Variants in C5 observed in about 807,000 individuals in gnomAD.
C5 encodes the protein C3 and PZP-like alpha-2-macroglobulin domain-containing protein 4.
Under a neutral mutation model 218.8 loss-of-function variants are expected in C5, and 140 were observed. That is an observed-to-expected ratio of 0.64 (90% CI 0.56 to 0.74). The LOEUF (loss-of-function observed/expected upper bound fraction) is 0.74, where lower values mean the gene tolerates loss of function less well. C5 is among the 30% of genes least tolerant of loss of function. C5 has a pLI of 0.00. For synonymous variants in C5, 614 were observed against 682.3 expected (o/e 0.90, Z 1.56); for missense variants, 1,700 against 1,969.6 (o/e 0.86, Z 2.59).
At chr9:121,000,929 G>A (rs960917849) in intron 20 of C5, among the ~76,000 whole-genome samples, 5 of 152,090 alleles carry the variant, frequency 3.3e-5, no homozygotes, top group Admixed American at 6.5e-5. Flanking sequence ...AGAACATGCA[G>A]TATTTTGTAG....
the C5 span, among the ~76,000 whole-genome samples, chr9:121,064,455 C>T: frequency 2.0e-5 from 3 of 152,116 alleles, no homozygotes; most frequent in African/African-American, 7.2e-5. Context: ...TCTTATTAGA[C>T]CCCAAGATTT....
In C5 at chr9:121,044,027, C is replaced by T. The variant is rs75083772; in HGVS notation, c.259-861G>A. On this transcript the variant is annotated intron_variant, in intron 2 of 40. Coordinates refer to ENST00000223642, the MANE Select transcript of C5 (RefSeq NM_001735.3). ...TATGAAAAATTAGGCTTTGGAAACA[C>T]GGGATGAAAGTTAATTACAAAAACC... Among the ~76,000 whole-genome samples the T allele has an allele frequency of 1.2e-4, 19 of 152,176 alleles. 1 individual carries two copies. The South Asian group carries it at 1.9e-3, about 15-fold the overall frequency.
At chr9:121,006,690 A>C (rs2047218188) in intron 19 of C5, among the ~76,000 whole-genome samples, 1 of 152,180 alleles carries the variant, frequency 6.6e-6, no homozygotes, top group South Asian at 2.1e-4. Context: ...TTACAAAAAA[A>C]GGAAAAAGAA....
At chr9:121,036,257 C>G (rs2047523522) in intron 4 of C5, among the ~76,000 whole-genome samples, 1 of 152,114 alleles carries the variant, frequency 6.6e-6, no homozygotes, top group Non-Finnish European at 1.5e-5. Flanking sequence ...CCATTGTGCA[C>G]AATTCTTCTA....
At position 120,953,099 on chromosome 9, in the gene C5, T is replaced by C. The variant is rs889529720; in HGVS notation, c.4902-231A>G. 4.6e-5 allele frequency among the ~76,000 whole-genome samples: 7 copies of C among 152,288 alleles called. No homozygotes were observed. In the South Asian group the frequency reaches 6.2e-4, roughly 14 times the overall value. On this transcript the variant is annotated intron_variant, in intron 40 of 40. Transcript: ENST00000223642. ...CCACCACGCCCGGCTATTTTTTTTG[T>C]ATTTTTAGTAGAGACGGGGTTTCAC...
intron 25 of C5, among the ~76,000 whole-genome samples, chr9:120,988,572 T>C (rs2047051711): frequency 1.3e-5 from 2 of 151,900 alleles, no homozygotes; most frequent in African/African-American, 2.4e-5. Context: ...AAAGAGAGTA[T>C]AGGAGATAAA....
intron 28 of C5, chr9:120,979,796 T>G (rs1450033531): frequency 1.6e-5 from 6 of 381,020 alleles, no homozygotes; most frequent in Non-Finnish European, 3.0e-5. Context: ...GGAAGATCAC[T>G]TGAGCCCAGG....
chr9:120,958,749 T>C (rs1349548500), intron 38 of C5, among the ~76,000 whole-genome samples: 1 of 152,154 alleles, frequency 6.6e-6, no homozygotes. Flanking sequence ...GAGCAAATTA[T>C]TTAATCTCCC....
In C5 at chr9:120,970,189, G is replaced by A. The variant is rs150804933; in HGVS notation, c.4143C>T (p.Ile1381=). The change falls in exon 32 of 41, where the codon ATC becomes ATT. Residue 1381 remains isoleucine (I), a synonymous_variant. Coordinates refer to ENST00000223642, the MANE Select transcript of C5 (RefSeq NM_001735.3). ...TTTTACCTTCAATATCCTGAGTATC[G>A]ATTTTCAAATAAAAGCTGCAAACTT... ...SEEVCSFYLK[I]DTQDIEASHY... is the part of the protein sequence containing the mutation. 3.0e-4 allele frequency: 483 copies of A among 1,612,244 alleles called. No homozygotes were observed. Among genetic ancestry groups the A allele is most frequent in the Admixed American group, 5.3e-4 (32 of 59,988 alleles).
chr9:120,984,714 C>CTTTTTTTTTTTTTTTTTTTT (rs149222003), intron 25 of C5, among the ~76,000 whole-genome samples: 2 of 69,212 alleles, frequency 2.9e-5, no homozygotes, highest in African/African-American at 6.3e-5. Flanking sequence ...TAAGCTCTTA[C>CTTTTTTTTTTTTTTTTTTTT]TTTTTTTTTT....
At chr9:121,020,625 C>T (rs1251896271) in intron 11 of C5, among the ~76,000 whole-genome samples, 1 of 152,116 alleles carries the variant, frequency 6.6e-6, no homozygotes, top group Non-Finnish European at 1.5e-5. Flanking sequence ...GGCCCAGTTT[C>T]ATTGTGAAGT....
chr9:121,010,552 C>A (rs535740517), intron 17 of C5, among the ~76,000 whole-genome samples: 1 of 152,054 alleles, frequency 6.6e-6, no homozygotes, highest in African/African-American at 2.4e-5. Flanking sequence ...TGTTAAAACG[C>A]CTTAATACCC....
chr9:121,031,400 A>T (rs2047473269), intron 6 of C5, among the ~76,000 whole-genome samples: 2 of 152,098 alleles, frequency 1.3e-5, no homozygotes, highest in South Asian at 4.1e-4. Flanking sequence ...TTTTGTCACT[A>T]ATTGGTTTTA....
chr9:121,023,380 C>T (rs188948750), intron 10 of C5, 24 bp downstream of exon 10: 38 of 1,340,576 alleles, frequency 2.8e-5, no homozygotes, highest in African/African-American at 7.2e-5. Context: ...TATGTAGCAA[C>T]GTCTACCCCC....
At position 120,963,711 on chromosome 9, in the gene C5, T is replaced by C; in HGVS notation, c.4248A>G (p.Ser1416=). The C allele has an allele frequency of 1.9e-6, 3 of 1,613,676 alleles. No individual in the cohort carries two copies. Among genetic ancestry groups the C allele is most frequent in the Non-Finnish European group, 2.5e-6 (3 of 1,179,642 alleles). ...ASYKPSREES[S]SGSSHAVMDI... is the part of the protein sequence containing the mutation. ...CCATCACCGCATGAGAGGATCCAGA[T>C]GATGATTCTTCCCTGCTGGGCTTGT... The change falls in exon 34 of 41, where the codon TCA becomes TCG. Residue 1416 remains serine (S), a synonymous_variant. Transcript: ENST00000223642.
At chr9:121,026,903 G>A (rs1420509079) in intron 8 of C5, among the ~76,000 whole-genome samples, 1 of 152,144 alleles carries the variant, frequency 6.6e-6, no homozygotes. Context: ...AGGCAAGAGA[G>A]ACTTTGGTCA....
chr9:121,039,718 G>A (rs758958990), intron 3 of C5, among the ~76,000 whole-genome samples: 64 of 152,022 alleles, frequency 4.2e-4, no homozygotes, highest in Admixed American at 7.2e-4. Flanking sequence ...GCGCAATCTC[G>A]GTTCACTGCA....
At chr9:120,992,200 AGCCACATG>A (rs2047081759) in intron 22 of C5, among the ~76,000 whole-genome samples, 1 of 152,264 alleles carries the variant, frequency 6.6e-6, no homozygotes, top group South Asian at 2.1e-4. Context: ...TTAATGGACA[AGCCACATG>A]GCTTTCCTAA....
chr9:120,984,866 C>A (rs1427230172), intron 25 of C5, among the ~76,000 whole-genome samples: 1 of 151,838 alleles, frequency 6.6e-6, no homozygotes, highest in East Asian at 1.9e-4. Flanking sequence ...GGACTACAGG[C>A]ACGTGCCACC....
Sources: allele counts gnomAD v4.1 joint callset (sites outside exome capture counted in the v4.1 genomes callset), GRCh38; gene constraint gnomAD v4.1.1; transcripts MANE v1.5; gene names NCBI Gene and HGNC (gene_info 2026-07-23, HGNC 2026-07-21).